The following DOCK10 variants were observed in gnomAD, a reference collection of about 807,000 sequenced individuals.
DOCK10 encodes dedicator of cytokinesis 10.
In DOCK10, 145 loss-of-function variants were observed where a neutral mutation model predicts 280.1. The observed-to-expected ratio is 0.52, with a 90% confidence interval of 0.45 to 0.59. DOCK10 has a LOEUF of 0.59. Among genes scored for constraint, DOCK10 ranks in the 20% least tolerant of loss-of-function variants. The pLI is 0.00. For synonymous variants in DOCK10, 915 were observed against 942.2 expected (o/e 0.97, Z 0.53); for missense variants, 2,368 against 2,651.7 (o/e 0.89, Z 2.35).
intron 1 of DOCK10, among the ~76,000 whole-genome samples, chr2:224,943,012 CTT>C (rs1191528081): frequency 6.6e-6 from 1 of 152,062 alleles, no homozygotes; most frequent in South Asian, 2.1e-4. Context: ...GAAATGATCT[CTT>C]TATTGACTTC....
chr2:224,796,920 C>A, intron 43 of DOCK10, 44 bp downstream of exon 43: 1 of 1,570,260 alleles, frequency 6.4e-7, no homozygotes, highest in South Asian at 1.2e-5. Context: ...TGAAACAGAT[C>A]AGTGGTTTTA....
At chr2:224,796,693 T>C (rs1202742052) in intron 43 of DOCK10, among the ~76,000 whole-genome samples, 3 of 152,214 alleles carry the variant, frequency 2.0e-5, no homozygotes, top group African/African-American at 7.2e-5. Flanking sequence ...GTTTGACCTG[T>C]TGGAGCTAGC....
At chr2:224,873,875 T>G in intron 11 of DOCK10, 121 bp downstream of exon 11, 1 of 1,015,830 alleles carries the variant, frequency 9.8e-7, no homozygotes, top group African/African-American at 1.6e-5. Flanking sequence ...TTAATAATAT[T>G]CCCTGGTACA....
At chr2:224,969,948 T>C (rs559401700) in intron 1 of DOCK10, among the ~76,000 whole-genome samples, 12 of 152,346 alleles carry the variant, frequency 7.9e-5, no homozygotes, top group Non-Finnish European at 1.6e-4. Flanking sequence ...ACATCTCTCC[T>C]TGTCCTTGAT....
At chr2:224,994,052 C>G (rs1316656049) in intron 1 of DOCK10, among the ~76,000 whole-genome samples, 1 of 152,188 alleles carries the variant, frequency 6.6e-6, no homozygotes, top group African/African-American at 2.4e-5. Context: ...CACAGCCTAT[C>G]ACTACATGTC....
At chr2:224,856,793 T>G in intron 15 of DOCK10, 67 bp downstream of exon 15, 1 of 1,435,490 alleles carries the variant, frequency 7.0e-7, no homozygotes, top group East Asian at 2.4e-5. Flanking sequence ...TCCTCAGGTA[T>G]TTATGAAGTG....
intron 1 of DOCK10, among the ~76,000 whole-genome samples, chr2:225,025,958 G>T (rs1437715630): frequency 6.6e-6 from 1 of 152,082 alleles, no homozygotes; most frequent in Non-Finnish European, 1.5e-5. Flanking sequence ...ATTAATTAAG[G>T]TATTCAAGAA....
intron 27 of DOCK10, among the ~76,000 whole-genome samples, chr2:224,828,261 G>A (rs1175826351): frequency 6.6e-6 from 1 of 152,192 alleles, no homozygotes; most frequent in Non-Finnish European, 1.5e-5. Flanking sequence ...CATTGAGGAT[G>A]TGGGCCAGAA....
At position 224,770,200 on chromosome 2, in the gene DOCK10, G is replaced by A; in HGVS notation, c.6444+11C>T. 6.5e-7 allele frequency: 1 copy of A among 1,542,486 alleles called. No individual in the cohort carries two copies. The highest frequency in any genetic ancestry group is 1.3e-5 in the South Asian group (1 of 79,386). ...TCCACTGATAGCGCGTGTGCACCAA[G>A]GAGCGCTCACCTGCTCATTCATGAC... On this transcript the variant is annotated intron_variant, in intron 55 of 55. Coordinates refer to ENST00000258390, the MANE Select transcript of DOCK10 (RefSeq NM_014689.3). This position sits in a 1 kb window ranked among gnomAD's most constrained non-coding sequence, Gnocchi z 4.5.
intron 7 of DOCK10, among the ~76,000 whole-genome samples, chr2:224,884,341 G>GT (rs1699151981): frequency 6.6e-6 from 1 of 152,130 alleles, no homozygotes; most frequent in Non-Finnish European, 1.5e-5. Context: ...ATTTCAGCTC[G>GT]TAACAAGCTA....
chr2:224,962,673 G>T (rs1329346356), intron 1 of DOCK10, among the ~76,000 whole-genome samples: 1 of 152,124 alleles, frequency 6.6e-6, no homozygotes, highest in Non-Finnish European at 1.5e-5. Flanking sequence ...AAATCTTTCT[G>T]AATTAGGAGC....
chr2:224,771,255 T>G (rs929790686), intron 53 of DOCK10, among the ~76,000 whole-genome samples: 2 of 152,226 alleles, frequency 1.3e-5, no homozygotes, highest in Non-Finnish European at 2.9e-5. Flanking sequence ...TCTGCTGTTT[T>G]CTTAACAGCT....
chr2:224,853,982 C>T (rs1696930153), intron 16 of DOCK10, among the ~76,000 whole-genome samples: 2 of 152,136 alleles, frequency 1.3e-5, no homozygotes, highest in East Asian at 1.9e-4. Context: ...CCTCATTTGT[C>T]GTGTTTCATT....
chr2:224,874,203 T>C, intron 10 of DOCK10, 52 bp from the exon 11 acceptor site: 1 of 1,575,754 alleles, frequency 6.3e-7, no homozygotes, highest in Non-Finnish European at 8.6e-7. Flanking sequence ...AAAGAAATTC[T>C]AAATTATAAT....
At chr2:224,916,508 T>A (rs1012662028) in intron 3 of DOCK10, among the ~76,000 whole-genome samples, 187 bp downstream of exon 3, 1 of 127,348 alleles carries the variant, frequency 7.9e-6, no homozygotes, top group Non-Finnish European at 1.6e-5. Context: ...GCCACCACAC[T>A]CCAGCCTGGG....
intron 1 of DOCK10, among the ~76,000 whole-genome samples, chr2:225,020,239 C>T (rs13391539): frequency 0.23 from 34,477 of 151,762 alleles, 4,120 homozygotes; most frequent in Non-Finnish European, 0.23. Context: ...TAAAGGGCAT[C>T]GTACCTATTA....
chr2:224,849,810 T>A (rs1696609849), intron 18 of DOCK10, among the ~76,000 whole-genome samples: 1 of 152,208 alleles, frequency 6.6e-6, no homozygotes, highest in East Asian at 1.9e-4. Context: ...GATAATTTGA[T>A]GGCTTTCATT....
At position 224,816,801 on chromosome 2, in the gene DOCK10, T is replaced by C; in HGVS notation, c.3268-88A>G. 6.8e-6 allele frequency: 5 copies of C among 736,834 alleles called. No homozygotes were observed. The South Asian group carries it at 8.8e-5, about 13-fold the overall frequency. 45.6% of individuals were successfully genotyped at this position (736,834 alleles called of 1,614,324 possible). On this transcript the variant is annotated intron_variant, in intron 29 of 55. Transcript: ENST00000258390. ...AAACAAAATCTGCACTTGAATCTTA[T>C]CCCTAAAAAGAAAAAGTAGTTACCA...
chr2:224,808,176 T>C, intron 31 of DOCK10, 90 bp from the exon 32 acceptor site: 2 of 1,171,044 alleles, frequency 1.7e-6, no homozygotes, highest in Non-Finnish European at 2.4e-6. Flanking sequence ...TACCATCAAC[T>C]TCTTCCACCA....
Sources: gnomAD v4.1 joint callset for allele counts (sites outside exome capture counted in the v4.1 genomes callset) on GRCh38, gnomAD v4.1.1 for gene constraint, Gnocchi (gnomAD v3.1) non-coding constraint, MANE v1.5 for transcripts, NCBI Gene and HGNC (gene_info 2026-07-23, HGNC 2026-07-21) for gene names.